SPAST: variants seen among roughly 807,000 people sequenced by gnomAD.
SPAST encodes spastic paraplegia 4 (autosomal dominant; spastin).
In SPAST, 30 loss-of-function variants were observed where a neutral mutation model predicts 76.6. The ratio of observed to expected loss-of-function variants is 0.39; its 90% CI spans 0.29 to 0.53. The LOEUF (loss-of-function observed/expected upper bound fraction) is 0.53, where lower values mean the gene tolerates loss of function less well. SPAST is among the 20% of genes least tolerant of loss of function. SPAST has a pLI of 0.68. For missense variants in SPAST, 717 were observed against 770.5 expected, an observed-to-expected ratio of 0.93 and a Z score of 0.82; for synonymous variants, 305 against 281.0, an observed-to-expected ratio of 1.09 and a Z score of -0.86.
Position 32,155,616 on chromosome 2 carries a change from C to G in SPAST, c.*1120C>G, listed in dbSNP as rs1680227070. 6.6e-6 allele frequency: 1 copy of G among 152,346 alleles called. No individual in the cohort carries two copies. Among genetic ancestry groups the G allele is most frequent in the Non-Finnish European group, 1.5e-5 (1 of 67,982 alleles). 9.4% of individuals were successfully genotyped at this position (152,346 alleles called of 1,614,324 possible). ...TTAACTCAAAAGTTCTAGTTCTAGT[C>G]TGTTGATCTGCCTTTTGTTCTCCCA... On this transcript the variant is annotated 3_prime_UTR_variant, in exon 17 of 17. Transcript: ENST00000315285.
chr2:32,145,054 C>A, intron 15 of SPAST, 47 bp downstream of exon 15: 5 of 1,391,916 alleles, frequency 3.6e-6, no homozygotes, highest in Non-Finnish European at 4.1e-6. Context: ...TATTATACCA[C>A]CTTAGAAGTT....
chr2:32,151,492 G>A (rs980353760), intron 16 of SPAST, among the ~76,000 whole-genome samples: 4 of 152,090 alleles, frequency 2.6e-5, no homozygotes, highest in East Asian at 1.9e-4. Flanking sequence ...GGGATGAGAC[G>A]TAAACACAAG....
intron 16 of SPAST, among the ~76,000 whole-genome samples, chr2:32,147,577 A>G (rs1449435910): frequency 6.6e-6 from 1 of 151,998 alleles, no homozygotes; most frequent in Non-Finnish European, 1.5e-5. Flanking sequence ...TCGGCCTCCC[A>G]AAGTGCTGGG....
intron 16 of SPAST, among the ~76,000 whole-genome samples, chr2:32,151,865 C>G (rs564917054): frequency 6.6e-6 from 1 of 150,628 alleles, no homozygotes; most frequent in Non-Finnish European, 1.5e-5. Context: ...GAGCTGAGAT[C>G]GTACCACTGC....
chr2:32,117,031 C>T (rs943217642), intron 7 of SPAST, among the ~76,000 whole-genome samples: 1 of 151,750 alleles, frequency 6.6e-6, no homozygotes, highest in African/African-American at 2.4e-5. Flanking sequence ...GAGGCTGAGG[C>T]GGGCAGATCA....
intron 8 of SPAST, chr2:32,128,120 G>A (rs1348149447): frequency 2.2e-5 from 8 of 357,752 alleles, no homozygotes; most frequent in African/African-American, 1.1e-4. Flanking sequence ...TCAGCTTCCT[G>A]AGTAGCTGGG....
In SPAST at chr2:32,125,881, G is replaced by A. The variant is rs577267138; in HGVS notation, c.1099-1067G>A. On this transcript the variant is annotated intron_variant, in intron 7 of 16. Transcript: ENST00000315285. ...GCAATCTTGGCTCAATACACGCTCC[G>A]CCTCCCGGGTTCACGCCATTTTCCT... Among the ~76,000 whole-genome samples the A allele has an allele frequency of 9.9e-4, 151 of 152,204 alleles. 2 individuals carry two copies. The highest frequency in any genetic ancestry group is 2.9e-3 in the Admixed American group (45 of 15,274).
chr2:32,080,974 T>C (rs1358520032), intron 1 of SPAST, among the ~76,000 whole-genome samples: 2 of 151,374 alleles, frequency 1.3e-5, no homozygotes, highest in Non-Finnish European at 2.9e-5. Context: ...TTTTTTTTTT[T>C]CAAGACAGAG....
At chr2:32,154,063 A>T (rs1352451435) in intron 16 of SPAST, among the ~76,000 whole-genome samples, 1 of 152,136 alleles carries the variant, frequency 6.6e-6, no homozygotes, top group South Asian at 2.1e-4. Flanking sequence ...CTTTGTCTGT[A>T]TTTTTGAACT....
rs768077366 is a variant in SPAST, at chr2:32,154,462, G to A, written c.1817G>A (p.Arg606His). The A allele has an allele frequency of 8.7e-6, 14 of 1,612,698 alleles. No homozygotes were observed. The highest frequency in any genetic ancestry group is 2.7e-5 in the African/African-American group (2 of 74,838). ...CCTCAAACTTTAGAAGCGTACATAC[G>A]TTGGAACAAGGACTTTGGAGATACC... ...VSPQTLEAYI[R>H]WNKDFGDTTV Residue 606 changes from arginine (R) to histidine (H), a missense_variant, in exon 17 of 17, where the codon CGT (arginine) becomes CAT (histidine). Transcript: ENST00000315285.
chr2:32,134,993 G>T (rs973264424), intron 9 of SPAST, among the ~76,000 whole-genome samples: 1 of 152,084 alleles, frequency 6.6e-6, no homozygotes, highest in Non-Finnish European at 1.5e-5. Flanking sequence ...ACCGCACCCG[G>T]CCTCTAGCGT....
chr2:32,064,292 C>CGCGGGGAAGAGGGG, intron 1 of SPAST, 46 bp downstream of exon 1: 1 of 284,172 alleles, frequency 3.5e-6, no homozygotes, highest in Non-Finnish European at 6.3e-6. Context: ...GGGAAGAAGG[C>CGCGGGGAAGAGGGG]GGTGGGGTCG....
chr2:32,117,253 A>G (rs1336197821), intron 7 of SPAST, among the ~76,000 whole-genome samples: 2 of 152,248 alleles, frequency 1.3e-5, no homozygotes, highest in South Asian at 4.1e-4. Context: ...CTCCGTCTCA[A>G]AAAAATAAAT....
In SPAST at chr2:32,156,269, T is replaced by G. The variant is rs1680249450; in HGVS notation, c.*1773T>G. On this transcript the variant is annotated 3_prime_UTR_variant, in exon 17 of 17. Transcript: ENST00000315285. ...TCAGGCTGGTCTTGAACTCCTGACC[T>G]CAGGTGATCCGCCTGCCTCGGCCTC... The G allele has an allele frequency of 6.6e-6, 1 of 152,238 alleles. No individual in the cohort carries two copies. Among genetic ancestry groups the G allele is most frequent in the South Asian group, 2.1e-4 (1 of 4,832 alleles). The allele number at this position is 152,238 out of a possible 1,614,324, so 9.4% of individuals were successfully genotyped here. A position where few individuals can be genotyped will look rare whatever the true frequency, so the allele number is the denominator to read the frequency against.
intron 14 of SPAST, among the ~76,000 whole-genome samples, chr2:32,144,351 G>GTAGAT (rs1427954275): frequency 6.6e-6 from 1 of 152,198 alleles, no homozygotes; most frequent in Non-Finnish European, 1.5e-5. Context: ...CCAGTAGTTT[G>GTAGAT]TAGATGTTAC....
intron 6 of SPAST, 103 bp downstream of exon 6, chr2:32,115,938 T>G (rs1181681487): frequency 3.9e-5 from 40 of 1,015,838 alleles, no homozygotes; most frequent in Non-Finnish European, 5.4e-5. Flanking sequence ...CTTGTCTGGT[T>G]TACATACTTA....
At position 32,150,361 on chromosome 2, in the gene SPAST, G is replaced by C. The variant is rs186863598; in HGVS notation, c.1728+3103G>C. Among the ~76,000 whole-genome samples, 1,028 of 150,448 alleles carry C rather than the reference G, an allele frequency of 6.8e-3. 14 individuals carry two copies. The highest frequency in any genetic ancestry group is 0.023 in the African/African-American group (964 of 41,052). On this transcript the variant is annotated intron_variant, in intron 16 of 16. Transcript: ENST00000315285. ...CACCTTGGCCTCCCAAAGTGCTAGG[G>C]ATTACAGGCATGAGCCACCACGCCC...
At chr2:32,096,560 GT>G (rs1677922771) in intron 3 of SPAST, among the ~76,000 whole-genome samples, 1 of 152,128 alleles carries the variant, frequency 6.6e-6, no homozygotes, top group African/African-American at 2.4e-5. Flanking sequence ...GCAATGTACT[GT>G]TACACTGTAT....
chr2:32,064,832 A>G (rs1028373697), intron 1 of SPAST, among the ~76,000 whole-genome samples: 1 of 152,202 alleles, frequency 6.6e-6, no homozygotes, highest in Non-Finnish European at 1.5e-5. Context: ...TTAGCATAAA[A>G]CTTTTCCCCC....
Sources: allele counts gnomAD v4.1 joint callset (sites outside exome capture counted in the v4.1 genomes callset), GRCh38; gene constraint gnomAD v4.1.1; transcripts MANE v1.5; gene names NCBI Gene and HGNC (gene_info 2026-07-23, HGNC 2026-07-21).